CNBD1: variants seen among roughly 807,000 people sequenced by gnomAD.
CNBD1 encodes the protein cyclic nucleotide-binding domain-containing protein 1.
Under a neutral mutation model 54.4 loss-of-function variants are expected in CNBD1, and 71 were observed. The observed-to-expected ratio is 1.30, with a 90% CI of 1.08 to 1.59. The LOEUF (loss-of-function observed/expected upper bound fraction) is 1.59, where lower values mean the gene tolerates loss of function less well. Ranked by LOEUF, CNBD1 falls within the 40% of genes most tolerant of loss-of-function variation. CNBD1 has a pLI of 0.00. For missense variants in CNBD1, 659 were observed against 518.0 expected, an observed-to-expected ratio of 1.27 and a Z score of -2.64; for synonymous variants, 182 against 170.7, an observed-to-expected ratio of 1.07 and a Z score of -0.51.
At chr8:86,978,070 A>G (rs1474752710) in intron 4 of CNBD1, among the ~76,000 whole-genome samples, 1 of 152,186 alleles carries the variant, frequency 6.6e-6, no homozygotes, top group Non-Finnish European at 1.5e-5. Context: ...TGTATGGCTT[A>G]TGAATTACAT....
At chr8:87,306,175 AG>A (rs1295036831) in intron 8 of CNBD1, among the ~76,000 whole-genome samples, 12 of 152,130 alleles carry the variant, frequency 7.9e-5, no homozygotes, top group Non-Finnish European at 1.6e-4. Flanking sequence ...CTAATGATAA[AG>A]GAAATGCAAA....
At chr8:86,897,871 C>T (rs1051869309) in intron 2 of CNBD1, among the ~76,000 whole-genome samples, 6 of 152,024 alleles carry the variant, frequency 3.9e-5, no homozygotes, top group Non-Finnish European at 8.8e-5. Flanking sequence ...TAGTATTTTA[C>T]CCCAGAGAAG....
At chr8:87,393,497 G>T (rs13265602) in intron 2 of CNBD1, among the ~76,000 whole-genome samples, 1 of 151,568 alleles carries the variant, frequency 6.6e-6, no homozygotes, top group Non-Finnish European at 1.5e-5. Flanking sequence ...CATCTACTCC[G>T]TAATCAGGAG....
intron 4 of CNBD1, among the ~76,000 whole-genome samples, chr8:87,149,617 C>G (rs16897157): frequency 6.6e-6 from 1 of 152,096 alleles, no homozygotes; most frequent in African/African-American, 2.4e-5. Context: ...TCTTGACTCT[C>G]TTGAGCATAT....
chr8:87,157,642 C>A (rs186710586), intron 4 of CNBD1, among the ~76,000 whole-genome samples: 2 of 152,266 alleles, frequency 1.3e-5, no homozygotes, highest in East Asian at 1.9e-4. Flanking sequence ...TGCCTATACA[C>A]AGGGGCTTTG....
rs145193958 is a variant in CNBD1 at position 86,888,276 on chromosome 8, C to T, written c.158+665C>T. Among the ~76,000 whole-genome samples the T allele has an allele frequency of 7.7e-3, 1,166 of 152,188 alleles. 13 individuals carry two copies. Among genetic ancestry groups the T allele is most frequent in the African/African-American group, 0.026 (1,082 of 41,534 alleles). On this transcript the variant is annotated intron_variant, in intron 2 of 10. Transcript: ENST00000518476. Reference sequence around the variant, plus strand: ...CAATCCATTTCAAATTATTTTTATACTGTTGTCTATTTTCTCATTTCTTCT... The same window carrying T: ...CAATCCATTTCAAATTATTTTTATATTGTTGTCTATTTTCTCATTTCTTCT...
intron 8 of CNBD1, among the ~76,000 whole-genome samples, chr8:87,330,469 A>G (rs1361570831): frequency 2.0e-5 from 3 of 151,738 alleles, no homozygotes; most frequent in African/African-American, 7.3e-5. Flanking sequence ...CATCTTATAC[A>G]TTTTGATAAG....
intron 10 of CNBD1, among the ~76,000 whole-genome samples, chr8:87,363,627 ATGTT>A (rs1810570822): frequency 6.6e-6 from 1 of 151,556 alleles, no homozygotes; most frequent in African/African-American, 2.4e-5. Context: ...TTTTTTTCAT[ATGTT>A]TGTTAGCTGC....
chr8:86,911,452 C>A (rs1043542856), intron 3 of CNBD1, among the ~76,000 whole-genome samples: 3 of 152,072 alleles, frequency 2.0e-5, no homozygotes, highest in African/African-American at 7.2e-5. Context: ...TGTATTTATT[C>A]AAAATGTGGC....
chr8:87,392,168 G>A (rs937595771), intron 2 of CNBD1, among the ~76,000 whole-genome samples: 3 of 151,992 alleles, frequency 2.0e-5, no homozygotes, highest in Non-Finnish European at 4.4e-5. Context: ...TGTTGTCAAA[G>A]ATGTGAAAAA....
At chr8:86,891,857 AT>A (rs1176649112) in intron 2 of CNBD1, among the ~76,000 whole-genome samples, 15 of 151,576 alleles carry the variant, frequency 9.9e-5, no homozygotes, top group Admixed American at 9.9e-4. Flanking sequence ...TTTTTCTAGG[AT>A]TTTTTTGGGT....
chr8:87,391,425 C>A (rs1441237063), intron 2 of CNBD1, among the ~76,000 whole-genome samples: 5 of 152,090 alleles, frequency 3.3e-5, no homozygotes, highest in East Asian at 3.9e-4. Context: ...TGAAAGAGAA[C>A]AAAGCGGACA....
intron 10 of CNBD1, among the ~76,000 whole-genome samples, chr8:87,361,600 T>G (rs924558230): frequency 3.3e-5 from 5 of 151,540 alleles, no homozygotes; most frequent in African/African-American, 1.2e-4. Context: ...ACTCCAGTTA[T>G]AGGAAATTTA....
intron 4 of CNBD1, among the ~76,000 whole-genome samples, chr8:87,201,731 T>C (rs1457226399): frequency 6.6e-6 from 1 of 152,134 alleles, no homozygotes; most frequent in Non-Finnish European, 1.5e-5. Flanking sequence ...TGAAAAGATA[T>C]GTTCAGAGGT....
chr8:87,369,412 T>G (rs1438488707), intron 10 of CNBD1, among the ~76,000 whole-genome samples: 1 of 152,004 alleles, frequency 6.6e-6, no homozygotes, highest in African/African-American at 2.4e-5. Context: ...TCATGCTCTT[T>G]ATTTTTCATG....
rs1040670819 is a variant in CNBD1, at chr8:87,046,401, C to T, written c.431+106647C>T. 3.3e-5 allele frequency among the ~76,000 whole-genome samples: 5 copies of T among 152,000 alleles called. 1 individual carries two copies. Among genetic ancestry groups the T allele is most frequent in the Admixed American group, 3.3e-4 (5 of 15,262 alleles). On this transcript the variant is annotated intron_variant, in intron 4 of 10. Coordinates refer to ENST00000518476, the MANE Select transcript of CNBD1 (RefSeq NM_173538.3). Reference sequence around the variant, plus strand: ...TAATAGACCTCTGTGTTTAGTGTACCTGAGATAGGGTACTTTCTAGAAAGG... The same window carrying T: ...TAATAGACCTCTGTGTTTAGTGTACTTGAGATAGGGTACTTTCTAGAAAGG...
chr8:87,222,536 C>G (rs1193505613), intron 5 of CNBD1, among the ~76,000 whole-genome samples: 1 of 152,084 alleles, frequency 6.6e-6, no homozygotes, highest in Non-Finnish European at 1.5e-5. Context: ...AGATAGATAA[C>G]AGTTAAACTC....
At chr8:87,305,730 C>T (rs561109578) in intron 8 of CNBD1, among the ~76,000 whole-genome samples, 6 of 152,140 alleles carry the variant, frequency 3.9e-5, no homozygotes, top group Non-Finnish European at 8.8e-5. Context: ...GGATCCTCAT[C>T]TCTCACCTTA....
chr8:87,344,047 T>G (rs1266245740), intron 8 of CNBD1, among the ~76,000 whole-genome samples: 1 of 152,146 alleles, frequency 6.6e-6, no homozygotes, highest in East Asian at 1.9e-4. Context: ...TATAGAATGG[T>G]ATGTAGTTTG....
Sources: gnomAD v4.1 joint callset for allele counts (sites outside exome capture counted in the v4.1 genomes callset) on GRCh38, gnomAD v4.1.1 for gene constraint, MANE v1.5 for transcripts, NCBI Gene and HGNC (gene_info 2026-07-23, HGNC 2026-07-21) for gene names.